The following TMEM117 variants were observed in gnomAD, a reference collection of about 807,000 sequenced individuals.
TMEM117 encodes transmembrane protein 117.
TMEM117 carries 27 observed loss-of-function variants against 52.4 expected under a neutral mutation model. The ratio of observed to expected loss-of-function variants is 0.51; its 90% CI spans 0.38 to 0.71. The LOEUF (loss-of-function observed/expected upper bound fraction) is 0.71. Ranked by LOEUF, TMEM117 falls within the 30% of genes least tolerant of loss-of-function variation. The pLI is 0.00. For synonymous variants in TMEM117, 215 were observed against 206.3 expected, an observed-to-expected ratio of 1.04 and a Z score of -0.36; for missense variants, 556 against 630.5, an observed-to-expected ratio of 0.88 and a Z score of 1.26.
At chr12:44,074,878 G>A (rs866061752) in intron 3 of TMEM117, among the ~76,000 whole-genome samples, 3 of 152,086 alleles carry the variant, frequency 2.0e-5, no homozygotes, top group Non-Finnish European at 2.9e-5. Flanking sequence ...CTCTTGCTTC[G>A]TGGTAATTTA....
intron 3 of TMEM117, among the ~76,000 whole-genome samples, chr12:44,011,149 G>T (rs916295689): frequency 2.6e-5 from 4 of 152,042 alleles, no homozygotes; most frequent in Admixed American, 2.6e-4. Flanking sequence ...ATTTCAGAGG[G>T]TACAGAATTC....
intron 4 of TMEM117, among the ~76,000 whole-genome samples, chr12:44,206,040 A>G (rs564796974): frequency 2.0e-5 from 3 of 152,368 alleles, no homozygotes; most frequent in African/African-American, 7.2e-5. Flanking sequence ...GAGAGCCATG[A>G]ACAAAGTTTG....
At chr12:44,017,415 C>A (rs916469839) in intron 3 of TMEM117, among the ~76,000 whole-genome samples, 1 of 148,164 alleles carries the variant, frequency 6.7e-6, no homozygotes, top group African/African-American at 2.5e-5. Flanking sequence ...CACCAAGTCT[C>A]ACAGTTGTGG....
At chr12:43,877,884 A>C (rs372422840) in intron 2 of TMEM117, among the ~76,000 whole-genome samples, 2,044 of 140,096 alleles carry the variant, frequency 0.015, 35 homozygotes, top group African/African-American at 0.054. Flanking sequence ...TTTTTTGTAA[A>C]AACAAAACAC....
chr12:44,022,788 A>G (rs2137838462), intron 3 of TMEM117, among the ~76,000 whole-genome samples: 1 of 152,376 alleles, frequency 6.6e-6, no homozygotes, highest in South Asian at 2.1e-4. Context: ...CATGATTCAC[A>G]TAGATATAGA....
intron 2 of TMEM117, among the ~76,000 whole-genome samples, chr12:43,918,289 T>G (rs774857102): frequency 2.0e-5 from 3 of 152,246 alleles, no homozygotes; most frequent in Non-Finnish European, 4.4e-5. Context: ...CTAGTCTGAT[T>G]AAAGTTGATG....
intron 2 of TMEM117, among the ~76,000 whole-genome samples, chr12:43,916,326 C>A (rs1353789434): frequency 6.6e-6 from 1 of 152,056 alleles, no homozygotes; most frequent in Non-Finnish European, 1.5e-5. Context: ...GAAAATGTAG[C>A]AAAGTTCAAA....
At chr12:44,007,737 G>A (rs1946222321) in intron 3 of TMEM117, among the ~76,000 whole-genome samples, 2 of 152,048 alleles carry the variant, frequency 1.3e-5, no homozygotes, top group Non-Finnish European at 1.5e-5. Flanking sequence ...TAGTATTTCT[G>A]GTGCTGTTCT....
At chr12:44,000,729 C>T (rs944062310) in intron 3 of TMEM117, among the ~76,000 whole-genome samples, 7 of 152,142 alleles carry the variant, frequency 4.6e-5, no homozygotes, top group African/African-American at 1.7e-4. Flanking sequence ...AAGTAGGTCC[C>T]TGCACTTCCC....
intron 6 of TMEM117, among the ~76,000 whole-genome samples, chr12:44,317,537 G>A (rs1359363421): frequency 1.3e-5 from 2 of 152,030 alleles, no homozygotes; most frequent in African/African-American, 2.4e-5. Context: ...TGGGATTACA[G>A]GTGCCTGCCA....
chr12:44,254,401 C>T (rs1950232974), intron 5 of TMEM117, among the ~76,000 whole-genome samples: 1 of 151,752 alleles, frequency 6.6e-6, no homozygotes, highest in Non-Finnish European at 1.5e-5. Flanking sequence ...ATAAAAACCT[C>T]ATTATTGATA....
At chr12:43,820,160 CA>C in the TMEM117 span, among the ~76,000 whole-genome samples, 1 of 152,018 alleles carries the variant, frequency 6.6e-6, no homozygotes, top group African/African-American at 2.4e-5. Flanking sequence ...TGCTGTGGCG[CA>C]ACCTCGGCTC....
chr12:44,199,338 C>T lies in TMEM117; in HGVS notation c.511-11952C>T, dbSNP rs139295113. Among the ~76,000 whole-genome samples, 938 of 152,232 alleles carry T rather than the reference C, an allele frequency of 6.2e-3. 12 individuals are homozygous for T. The highest frequency in any genetic ancestry group is 6.0e-3 in the Non-Finnish European group (405 of 68,018). ...CTGAATGAACCACCATAGGAAATTT[C>T]AAAGCATATGTTAAATTATGGGTTT... On this transcript the variant is annotated intron_variant, in intron 4 of 7. Transcript: ENST00000266534.
chr12:44,256,467 A>G (rs1232045820), intron 5 of TMEM117, among the ~76,000 whole-genome samples: 1 of 152,084 alleles, frequency 6.6e-6, no homozygotes, highest in African/African-American at 2.4e-5. Flanking sequence ...CTCATTATTT[A>G]TAATTTGATC....
chr12:43,913,753 C>G (rs61932971), intron 2 of TMEM117, among the ~76,000 whole-genome samples: 1 of 152,100 alleles, frequency 6.6e-6, no homozygotes, highest in Non-Finnish European at 1.5e-5. Flanking sequence ...ACACAACATG[C>G]TTTAATAAAA....
chr12:43,806,385 G>C, the TMEM117 span: 2 of 1,204,690 alleles, frequency 1.7e-6, no homozygotes, highest in Non-Finnish European at 2.1e-6. Context: ...CCGTGAGGTT[G>C]ACTGAGTGCC....
intron 3 of TMEM117, among the ~76,000 whole-genome samples, chr12:44,116,565 C>T (rs1055672387): frequency 2.6e-5 from 4 of 152,162 alleles, no homozygotes; most frequent in Non-Finnish European, 5.9e-5. Flanking sequence ...CTCTTGATCC[C>T]GGTGCAGACT....
At chr12:43,933,603 C>T (rs1464936602) in intron 2 of TMEM117, among the ~76,000 whole-genome samples, 4 of 152,074 alleles carry the variant, frequency 2.6e-5, no homozygotes, top group Middle Eastern at 3.4e-3. Context: ...CTCACTCTGT[C>T]GCCAGGCTGG....
chr12:44,017,347 G>A, intron 3 of TMEM117, among the ~76,000 whole-genome samples: 1 of 113,174 alleles, frequency 8.8e-6, no homozygotes, highest in South Asian at 2.6e-4. Flanking sequence ...TTTTTTTTTG[G>A]TGATGAGACA....
Sources: gnomAD v4.1 joint callset for allele counts (sites outside exome capture counted in the v4.1 genomes callset) on GRCh38, gnomAD v4.1.1 for gene constraint, MANE v1.5 for transcripts, NCBI Gene and HGNC (gene_info 2026-07-23, HGNC 2026-07-21) for gene names.